The following FRYL variants were observed in gnomAD, a reference collection of about 807,000 sequenced individuals.
FRYL encodes the protein protein furry homolog-like.
Under a neutral mutation model 351.2 loss-of-function variants are expected in FRYL, and 150 were observed. That is an observed-to-expected ratio of 0.43 (90% CI 0.37 to 0.49). The LOEUF is 0.49. FRYL is among the 20% of genes least tolerant of loss of function. The probability of loss-of-function intolerance (pLI) is 0.00; values close to 1 mark genes in which losing one functional copy is unlikely to be tolerated. For synonymous variants in FRYL, 1,153 were observed against 1,257.1 expected (o/e 0.92, Z 1.75); for missense variants, 3,036 against 3,619.3 (o/e 0.84, Z 4.13).
intron 1 of FRYL, among the ~76,000 whole-genome samples, chr4:48,753,272 A>C (rs1773430506): frequency 6.6e-6 from 1 of 152,184 alleles, no homozygotes; most frequent in Non-Finnish European, 1.5e-5. Context: ...AGCACCAGTG[A>C]CTTCAAAGTT....
chr4:48,557,245 A>G, intron 34 of FRYL, 127 bp from the exon 35 acceptor site: 1 of 1,256,480 alleles, frequency 8.0e-7, no homozygotes, highest in Non-Finnish European at 1.1e-6. Flanking sequence ...CACTTTACAG[A>G]AACAATAATT....
At chr4:48,518,669 A>G (rs1304648939) in intron 55 of FRYL, among the ~76,000 whole-genome samples, 2 of 152,116 alleles carry the variant, frequency 1.3e-5, no homozygotes, top group East Asian at 3.9e-4. Flanking sequence ...TACTTCAGAT[A>G]TATCAGGGCC....
Position 48,567,299 on chromosome 4 carries a change from T to C in FRYL, c.3118A>G (p.Ile1040Val). 1 of 1,612,808 alleles carries C rather than the reference T, an allele frequency of 6.2e-7. No homozygotes were observed. Among genetic ancestry groups the C allele is most frequent in the Non-Finnish European group, 8.5e-7 (1 of 1,179,488 alleles). Residue 1040 changes from isoleucine (I) to valine (V), a missense_variant, in exon 28 of 64, where the codon ATA (isoleucine) becomes GTA (valine). By Grantham distance (29) the Ile-to-Val change is conservative. Around this residue, in one of 7 missense-constraint regions of FRYL, gnomAD observed 492 missense variants for 551.5 expected, o/e 0.89. Transcript: ENST00000358350. This position sits in a 1 kb window ranked among gnomAD's most constrained non-coding sequence, Gnocchi z 4.2. ...ACTAAGGCACTAAAATGGCATCGTA[T>C]ATCCTTCAGTGTGTCAGAGTCTTTT... ...NEKDSDTLKD[I>V]RCHFSALVAN...
chr4:48,523,933 A>AAACAT (rs1403625218), intron 53 of FRYL, among the ~76,000 whole-genome samples: 1 of 152,206 alleles, frequency 6.6e-6, no homozygotes, highest in Non-Finnish European at 1.5e-5. Context: ...ACAGCCATCA[A>AAACAT]AACATAACTG....
At chr4:48,765,294 A>G (rs770918593) in intron 1 of FRYL, among the ~76,000 whole-genome samples, 1 of 152,250 alleles carries the variant, frequency 6.6e-6, no homozygotes, top group Non-Finnish European at 1.5e-5. Flanking sequence ...TAGGATTGGC[A>G]TAAAAACAGA....
chr4:48,774,252 T>C (rs1417902957), intron 1 of FRYL, among the ~76,000 whole-genome samples: 1 of 152,208 alleles, frequency 6.6e-6, no homozygotes, highest in African/African-American at 2.4e-5. Flanking sequence ...GTAAATTATA[T>C]GGCATACGAA....
chr4:48,634,230 T>C, intron 4 of FRYL, 61 bp downstream of exon 4: 2 of 1,193,722 alleles, frequency 1.7e-6, no homozygotes, highest in Non-Finnish European at 2.5e-6. Flanking sequence ...AAAATCTGCA[T>C]TATAGTGGTT....
chr4:48,516,804 C>T (rs1000974243), intron 55 of FRYL, among the ~76,000 whole-genome samples: 10 of 152,204 alleles, frequency 6.6e-5, no homozygotes, highest in South Asian at 2.1e-4. Flanking sequence ...GGTAAATGTA[C>T]GGTAAATACT....
chr4:48,539,945 T>C (rs1729790167), intron 47 of FRYL, 26 bp downstream of exon 47: 1 of 1,515,308 alleles, frequency 6.6e-7, no homozygotes, highest in Admixed American at 1.7e-5. Flanking sequence ...CCTATAGTGT[T>C]ACCTTTCAGC....
intron 3 of FRYL, among the ~76,000 whole-genome samples, chr4:48,635,693 A>G (rs960904965): frequency 6.6e-6 from 1 of 152,110 alleles, no homozygotes; most frequent in African/African-American, 2.4e-5. Flanking sequence ...TCGATCCCAT[A>G]TGTTGCTATG....
At chr4:48,503,505 G>A (rs1478325044) in intron 60 of FRYL, among the ~76,000 whole-genome samples, 1 of 152,162 alleles carries the variant, frequency 6.6e-6, no homozygotes, top group Admixed American at 6.5e-5. Flanking sequence ...TCAACATAAT[G>A]TATGTAAAAC....
intron 4 of FRYL, among the ~76,000 whole-genome samples, chr4:48,632,094 A>ATATATATATG (rs1753209337): frequency 2.2e-4 from 3 of 13,860 alleles, no homozygotes; most frequent in East Asian, 6.3e-3. Context: ...AAAAAAAAAT[A>ATATATATATG]TATATATATA....
intron 1 of FRYL, among the ~76,000 whole-genome samples, chr4:48,761,000 ACTCTGT>A (rs1298173707): frequency 6.7e-4 from 49 of 72,900 alleles, no homozygotes; most frequent in African/African-American, 2.7e-3. Context: ...CTCTATTATT[ACTCTGT>A]CTGTGTGTGT....
intron 10 of FRYL, among the ~76,000 whole-genome samples, chr4:48,606,093 TAAAGAAA>T: frequency 3.2e-5 from 1 of 31,288 alleles, no homozygotes; most frequent in African/African-American, 1.4e-4. Flanking sequence ...CCGTCTCTAC[TAAAGAAA>T]AAAAAAAAAA....
At chr4:48,671,861 A>AAAC (rs1560832357) in intron 3 of FRYL, among the ~76,000 whole-genome samples, 12 of 117,770 alleles carry the variant, frequency 1.0e-4, no homozygotes, top group South Asian at 3.2e-4. Context: ...TCAAAAACAA[A>AAAC]AAAAAAAAAA....
chr4:48,575,064 A>G, intron 25 of FRYL, 53 bp downstream of exon 25: 1 of 1,588,684 alleles, frequency 6.3e-7, no homozygotes, highest in Non-Finnish European at 8.6e-7. Context: ...CACACCTTCT[A>G]AGTAGCACAT....
intron 6 of FRYL, 106 bp from the exon 7 acceptor site, chr4:48,619,476 G>T (rs1750217852): frequency 3.5e-6 from 2 of 575,042 alleles, no homozygotes; most frequent in Non-Finnish European, 5.9e-6. Context: ...TGTAAAATGT[G>T]CTACAGCAAT....
At position 48,588,017 on chromosome 4, in the gene FRYL, T is replaced by G. The variant is rs1393291398; in HGVS notation, c.1641-1289A>C. ...AGCTACCATACATTAAGTAATGGCA[T>G]AAACAAACTTTGCTTTCGCTCTTTG... On this transcript the variant is annotated intron_variant, in intron 18 of 63. Transcript: ENST00000358350. Among the ~76,000 whole-genome samples, 4 of 152,244 alleles carry G rather than the reference T, an allele frequency of 2.6e-5. No individual in the cohort carries two copies. In the South Asian group the frequency reaches 8.3e-4, roughly 32 times the overall value.
Position 48,528,452 on chromosome 4 carries a change from G to T in FRYL, c.6904-116C>A, listed in dbSNP as rs1726769162. 3 of 668,972 alleles carry T rather than the reference G, an allele frequency of 4.5e-6. No individual in the cohort carries two copies. In the Admixed American group the frequency reaches 1.1e-4, roughly 24 times the overall value. The allele number at this position is 668,972 out of a possible 1,614,324, so 41.4% of individuals were successfully genotyped here. ...ACAAATAAAAAAAAAGATGAGGAGA[G>T]AAATTACTTTGCATGAGGCAGATGT... On this transcript the variant is annotated intron_variant, in intron 50 of 63. Transcript: ENST00000358350.
Sources: gnomAD v4.1 joint callset for allele counts (sites outside exome capture counted in the v4.1 genomes callset) on GRCh38, gnomAD v4.1.1 for gene constraint, gnomAD v4.1.1 regional missense constraint, Gnocchi (gnomAD v3.1) non-coding constraint, MANE v1.5 for transcripts, NCBI Gene and HGNC (gene_info 2026-07-23, HGNC 2026-07-21) for gene names.